The following OTUD7A variants were observed in gnomAD, a reference collection of about 807,000 sequenced individuals.
OTUD7A encodes OTU deubiquitinase 7A, also known as OTU domain-containing protein 7A.
A neutral mutation model predicts 65.7 loss-of-function variants in OTUD7A; 12 were observed. That is an observed-to-expected ratio of 0.18 (90% CI 0.12 to 0.30). The LOEUF is 0.30. Among genes scored for constraint, OTUD7A ranks in the 10% least tolerant of loss-of-function variants. The probability of loss-of-function intolerance (pLI) is 1.00; values close to 1 mark genes in which losing one functional copy is unlikely to be tolerated. For synonymous variants in OTUD7A, 641 were observed against 586.3 expected (o/e 1.09, Z -1.35); for missense variants, 1,148 against 1,304.8 (o/e 0.88, Z 1.85).
At chr15:31,495,497 C>T (rs760230633) in intron 10 of OTUD7A, among the ~76,000 whole-genome samples, 11 of 152,138 alleles carry the variant, frequency 7.2e-5, no homozygotes, top group Admixed American at 3.9e-4. Flanking sequence ...AGTCTGGATG[C>T]CCCCAACCCC....
intron 1 of OTUD7A, among the ~76,000 whole-genome samples, chr15:31,805,134 G>A (rs143776119): frequency 6.6e-6 from 1 of 152,204 alleles, no homozygotes; most frequent in Non-Finnish European, 1.5e-5. Flanking sequence ...AACAGGTCGG[G>A]TGAGTTAGTT....
chr15:31,835,010 G>A (rs180799964), intron 1 of OTUD7A, among the ~76,000 whole-genome samples: 1 of 152,310 alleles, frequency 6.6e-6, no homozygotes, highest in Non-Finnish European at 1.5e-5. Context: ...CCAGCCCAGG[G>A]CTAAACATCT....
intron 1 of OTUD7A, among the ~76,000 whole-genome samples, chr15:31,856,466 C>G (rs1897576245): frequency 6.6e-6 from 1 of 152,096 alleles, no homozygotes; most frequent in East Asian, 1.9e-4. Context: ...TTTTACAGAA[C>G]AATGTACTCC....
intron 1 of OTUD7A, among the ~76,000 whole-genome samples, chr15:31,728,997 A>G (rs1489798568): frequency 2.0e-5 from 3 of 152,214 alleles, no homozygotes; most frequent in Admixed American, 2.0e-4. Context: ...GGGTCTGAAA[A>G]TAGGTGAGTA....
At chr15:31,757,807 C>A (rs187853196) in intron 1 of OTUD7A, among the ~76,000 whole-genome samples, 214 of 152,260 alleles carry the variant, frequency 1.4e-3, no homozygotes, top group African/African-American at 4.9e-3. Context: ...CTATAGAATT[C>A]TTTGAGCATT....
At chr15:31,726,764 T>TTC (rs1395037348) in intron 1 of OTUD7A, among the ~76,000 whole-genome samples, 4 of 152,352 alleles carry the variant, frequency 2.6e-5, no homozygotes, top group African/African-American at 9.6e-5. Context: ...TCTAGAGGAT[T>TTC]TCTCAATGTT....
intron 1 of OTUD7A, among the ~76,000 whole-genome samples, chr15:31,808,136 C>CACAAAAAAAAAA (rs772574742): frequency 2.7e-4 from 32 of 119,506 alleles, no homozygotes; most frequent in Admixed American, 8.1e-4. Flanking sequence ...CACACACACA[C>CACAAAAAAAAAA]AAACAAATCC....
chr15:31,805,413 G>GCCGA (rs1403455571), intron 1 of OTUD7A, among the ~76,000 whole-genome samples: 1 of 152,206 alleles, frequency 6.6e-6, no homozygotes, highest in Non-Finnish European at 1.5e-5. Context: ...TGGGATGCCA[G>GCCGA]CCGACCTCAC....
At chr15:31,702,894 G>A (rs1441389727) in intron 1 of OTUD7A, among the ~76,000 whole-genome samples, 2 of 151,752 alleles carry the variant, frequency 1.3e-5, no homozygotes, top group Non-Finnish European at 2.9e-5. Context: ...ACTGGTGAAG[G>A]AATAGAAATA....
intron 1 of OTUD7A, chr15:31,787,813 G>C (rs1406840078): frequency 1.3e-5 from 2 of 152,154 alleles, no homozygotes; most frequent in Non-Finnish European, 2.9e-5. Flanking sequence ...AGTTCTTTAG[G>C]CAACAGTTCA....
chr15:31,620,157 GA>G (rs1266267890), intron 3 of OTUD7A, among the ~76,000 whole-genome samples: 6 of 152,214 alleles, frequency 3.9e-5, no homozygotes, highest in Non-Finnish European at 5.9e-5. Context: ...GGTGCTGCTG[GA>G]TTCGGTCTGC....
intron 1 of OTUD7A, among the ~76,000 whole-genome samples, chr15:31,775,798 A>T (rs749117387): frequency 5.3e-5 from 8 of 152,184 alleles, no homozygotes; most frequent in Non-Finnish European, 8.8e-5. Flanking sequence ...ATGTGAGTGT[A>T]TCCCTCAGGA....
chr15:31,845,066 G>A (rs1462567928), intron 1 of OTUD7A, among the ~76,000 whole-genome samples: 1 of 152,194 alleles, frequency 6.6e-6, no homozygotes, highest in Non-Finnish European at 1.5e-5. Flanking sequence ...ACCCTCCATG[G>A]TGGGCTCCTG....
intron 5 of OTUD7A, among the ~76,000 whole-genome samples, chr15:31,548,205 TCATCTGTGGGCGCCCTGGGCCACC>T (rs1888198553): frequency 1.5e-5 from 1 of 66,990 alleles, no homozygotes; most frequent in Non-Finnish European, 4.7e-5. Flanking sequence ...GCCACCCCCA[TCATCTGTGGGCGCCCTGGGCCACC>T]CCCCTTCACT....
At chr15:31,788,902 T>C (rs144086811) in intron 1 of OTUD7A, among the ~76,000 whole-genome samples, 1 of 152,286 alleles carries the variant, frequency 6.6e-6, no homozygotes, top group African/African-American at 2.4e-5. Context: ...ATTTTGCATA[T>C]GAACAGGCTG....
intron 1 of OTUD7A, among the ~76,000 whole-genome samples, chr15:31,665,516 C>T (rs1892295052): frequency 1.3e-5 from 2 of 152,200 alleles, no homozygotes; most frequent in Non-Finnish European, 2.9e-5. Context: ...AATCTTGTAT[C>T]CAGAAACTTT....
At chr15:31,610,139 AAGCAGAAGT>A (rs1890357537) in intron 3 of OTUD7A, among the ~76,000 whole-genome samples, 1 of 152,192 alleles carries the variant, frequency 6.6e-6, no homozygotes. Flanking sequence ...GATAAAACAA[AAGCAGAAGT>A]AGCTGTTCTT....
intron 1 of OTUD7A, among the ~76,000 whole-genome samples, chr15:31,822,459 C>T (rs1337170552): frequency 6.6e-6 from 1 of 152,172 alleles, no homozygotes; most frequent in Admixed American, 6.6e-5. Flanking sequence ...GACCAGCGTA[C>T]CTAGTTTACA....
intron 1 of OTUD7A, among the ~76,000 whole-genome samples, chr15:31,680,560 G>C (rs925492167): frequency 2.6e-5 from 4 of 152,188 alleles, no homozygotes; most frequent in Non-Finnish European, 5.9e-5. Context: ...ACTGGCTATG[G>C]TCATGAGGGC....
Sources: allele counts gnomAD v4.1 joint callset (sites outside exome capture counted in the v4.1 genomes callset), GRCh38; gene constraint gnomAD v4.1.1; transcripts MANE v1.5; gene names NCBI Gene and HGNC (gene_info 2026-07-23, HGNC 2026-07-21).